ATP9A: variants seen among roughly 807,000 people sequenced by gnomAD.
The protein encoded by ATP9A is ATPase phospholipid transporting 9A.
In ATP9A, 52 loss-of-function variants were observed where a neutral mutation model predicts 144.1. The observed-to-expected ratio is 0.36, with a 90% CI of 0.29 to 0.45. The LOEUF (loss-of-function observed/expected upper bound fraction) is 0.45, where lower values mean the gene tolerates loss of function less well. Ranked by LOEUF, ATP9A falls within the 20% of genes least tolerant of loss-of-function variation. The pLI is 1.00. For synonymous variants in ATP9A, 582 were observed against 557.4 expected (o/e 1.04, Z -0.62); for missense variants, 947 against 1,392.7 (o/e 0.68, Z 5.09).
chr20:51,723,750 T>G (rs969391789), intron 3 of ATP9A, among the ~76,000 whole-genome samples: 1 of 150,778 alleles, frequency 6.6e-6, no homozygotes, highest in African/African-American at 2.4e-5. Context: ...AGAGACAGGG[T>G]TTCACCATGT....
chr20:51,761,533 G>A (rs1427383166), intron 1 of ATP9A, among the ~76,000 whole-genome samples: 6 of 152,058 alleles, frequency 3.9e-5, no homozygotes, highest in East Asian at 1.9e-4. Flanking sequence ...AGGCCAAGGC[G>A]GGCAGATCAC....
chr20:51,635,823 AG>A (rs1410081406), intron 15 of ATP9A, among the ~76,000 whole-genome samples: 2 of 105,886 alleles, frequency 1.9e-5, no homozygotes, highest in Admixed American at 1.0e-4. Flanking sequence ...GAAGGAAGGA[AG>A]GGAGGGAGGG....
At chr20:51,767,720 T>G (rs1252467830) in intron 1 of ATP9A, among the ~76,000 whole-genome samples, 3 of 152,052 alleles carry the variant, frequency 2.0e-5, no homozygotes, top group Non-Finnish European at 4.4e-5. Flanking sequence ...CCCACCCTCC[T>G]GCGACTGCTG....
At chr20:51,635,802 G>GAGGGAGGGAGGAAGGAAGGA (rs774111834) in intron 15 of ATP9A, among the ~76,000 whole-genome samples, 1 of 46,698 alleles carries the variant, frequency 2.1e-5, no homozygotes, top group Non-Finnish European at 4.6e-5. Flanking sequence ...AGGAGGGGAG[G>GAGGGAGGGAGGAAGGAAGGA]AGGAAGGAAG....
intron 4 of ATP9A, among the ~76,000 whole-genome samples, chr20:51,708,940 C>A (rs1326342080): frequency 6.6e-6 from 1 of 152,018 alleles, no homozygotes; most frequent in Non-Finnish European, 1.5e-5. Flanking sequence ...AACTGACAAA[C>A]CTGGTCTGTT....
At chr20:51,649,154 C>T (rs747381536) in intron 14 of ATP9A, among the ~76,000 whole-genome samples, 3 of 152,080 alleles carry the variant, frequency 2.0e-5, no homozygotes, top group Non-Finnish European at 2.9e-5. Flanking sequence ...AACAGGGCAC[C>T]CTGTTTGGCT....
At chr20:51,741,937 C>A (rs1003610675) in intron 1 of ATP9A, among the ~76,000 whole-genome samples, 1 of 152,202 alleles carries the variant, frequency 6.6e-6, no homozygotes, top group Non-Finnish European at 1.5e-5. Flanking sequence ...CAGCCCAAAA[C>A]GCCACTTGTG....
At chr20:51,710,927 CT>C (rs917125517) in intron 4 of ATP9A, among the ~76,000 whole-genome samples, 1 of 152,182 alleles carries the variant, frequency 6.6e-6, no homozygotes, top group African/African-American at 2.4e-5. Flanking sequence ...GGCCTCTTCT[CT>C]TGAGCTCTGA....
chr20:51,634,855 CA>C (rs74175564), intron 15 of ATP9A, among the ~76,000 whole-genome samples: 49 of 109,818 alleles, frequency 4.5e-4, no homozygotes, highest in African/African-American at 5.8e-4. Context: ...AACTCCATCT[CA>C]AAAAAAAAAA....
At chr20:51,644,365 T>C (rs1445764147) in intron 14 of ATP9A, among the ~76,000 whole-genome samples, 9 of 142,264 alleles carry the variant, frequency 6.3e-5, no homozygotes, top group African/African-American at 2.4e-4. Context: ...CTCCACCTCC[T>C]GGGTTCATGC....
rs569286857 is a variant in ATP9A at position 51,621,575 on chromosome 20, C to T, written c.2115+499G>A. ...GGTCAATGTCTGCCACAAGGGCGGGCGATTTCTCATTTGCCCATCCAGTTC... is the reference window on the plus strand; with the variant it reads ...GGTCAATGTCTGCCACAAGGGCGGGTGATTTCTCATTTGCCCATCCAGTTC... On this transcript the variant is annotated intron_variant, in intron 19 of 27. Coordinates refer to ENST00000338821, the MANE Select transcript of ATP9A (RefSeq NM_006045.3). 5.3e-5 allele frequency among the ~76,000 whole-genome samples: 8 copies of T among 152,282 alleles called. No individual in the cohort carries two copies. The East Asian group carries it at 1.2e-3, about 22-fold the overall frequency.
Position 51,601,171 on chromosome 20 carries a change from GAAGCGCC to G in ATP9A, c.*33_*39del. 6.5e-7 allele frequency: 1 copy of G among 1,550,000 alleles called. No individual in the cohort carries two copies. Among genetic ancestry groups the G allele is most frequent in the Middle Eastern group, 1.9e-4 (1 of 5,254 alleles). On this transcript the variant is annotated 3_prime_UTR_variant, in exon 28 of 28. Coordinates refer to ENST00000338821, the MANE Select transcript of ATP9A (RefSeq NM_006045.3). ...TGGAACTTGAGCTCTGTCCATCAGGGAAGCGCCAAGACCAGGGCCCCCTCCAGCGAAC... is the reference window on the plus strand; with the variant it reads ...TGGAACTTGAGCTCTGTCCATCAGGGAAGACCAGGGCCCCCTCCAGCGAAC...
chr20:51,681,222 T>C (rs2077498345), intron 9 of ATP9A, among the ~76,000 whole-genome samples: 1 of 152,136 alleles, frequency 6.6e-6, no homozygotes, highest in Admixed American at 6.6e-5. Context: ...GCAAAACACT[T>C]CATCAATTAA....
rs151321037 is a variant in ATP9A, at chr20:51,700,949, G to A, written c.437-3467C>T. On this transcript the variant is annotated intron_variant, in intron 4 of 27. Transcript: ENST00000338821. Reference sequence around the variant, plus strand: ...TTCTTGCTCCACTAGGGGGCAAAAGGAAAAATGAACACAGACCTGTCGTTT... The same window carrying A: ...TTCTTGCTCCACTAGGGGGCAAAAGAAAAAATGAACACAGACCTGTCGTTT... 3.8e-4 allele frequency among the ~76,000 whole-genome samples: 58 copies of A among 152,240 alleles called. 2 individuals are homozygous for A. In the East Asian group the frequency reaches 0.011, roughly 29 times the overall value.
chr20:51,742,360 C>T (rs1568844191), intron 1 of ATP9A, among the ~76,000 whole-genome samples: 1 of 151,556 alleles, frequency 6.6e-6, no homozygotes, highest in Admixed American at 6.6e-5. Context: ...ATGCCATTAC[C>T]ATAACTAGAA....
chr20:51,717,983 A>C (rs1320615227), intron 3 of ATP9A, among the ~76,000 whole-genome samples: 1 of 151,994 alleles, frequency 6.6e-6, no homozygotes, highest in Admixed American at 6.6e-5. Flanking sequence ...AAAAGGAAAA[A>C]TGTATGCCAA....
chr20:51,638,292 GGA>G (rs2077303910), intron 15 of ATP9A, among the ~76,000 whole-genome samples: 1 of 85,450 alleles, frequency 1.2e-5, no homozygotes, highest in Non-Finnish European at 2.6e-5. Context: ...CATTTGTCAA[GGA>G]AAAAAAAAAA....
intron 9 of ATP9A, among the ~76,000 whole-genome samples, chr20:51,688,410 T>A (rs2077532759): frequency 6.6e-6 from 1 of 152,000 alleles, no homozygotes. Context: ...CTGGCCAACA[T>A]GGTGAAACCC....
chr20:51,744,153 T>C (rs1370447858), intron 1 of ATP9A, among the ~76,000 whole-genome samples: 1 of 147,566 alleles, frequency 6.8e-6, no homozygotes, highest in African/African-American at 2.7e-5. Flanking sequence ...ATTTATTTAT[T>C]ATTTTATTTA....
Sources: gnomAD v4.1 joint callset for allele counts (sites outside exome capture counted in the v4.1 genomes callset) on GRCh38, gnomAD v4.1.1 for gene constraint, MANE v1.5 for transcripts, NCBI Gene and HGNC (gene_info 2026-07-23, HGNC 2026-07-21) for gene names.